SGCZ: variants seen among roughly 807,000 people sequenced by gnomAD.
SGCZ encodes the protein sarcoglycan zeta, also known as zeta-sarcoglycan.
In SGCZ, 40 loss-of-function variants were observed where a neutral mutation model predicts 41.3. The observed-to-expected ratio is 0.97, with a 90% CI of 0.75 to 1.26. The LOEUF (loss-of-function observed/expected upper bound fraction) is 1.26. Among genes scored for constraint, SGCZ ranks in the 50% most tolerant of loss-of-function variants. SGCZ has a pLI of 0.00. For synonymous variants in SGCZ, 206 were observed against 137.5 expected (o/e 1.50, Z -3.49); for missense variants, 552 against 369.8 (o/e 1.49, Z -4.04).
intron 1 of SGCZ, among the ~76,000 whole-genome samples, chr8:14,608,426 T>A (rs1249564823): frequency 6.6e-6 from 1 of 151,310 alleles, no homozygotes; most frequent in African/African-American, 2.4e-5. Flanking sequence ...CAGGATATTT[T>A]ACTCATGGCA....
intron 1 of SGCZ, among the ~76,000 whole-genome samples, chr8:14,650,575 T>C (rs2117454085): frequency 6.6e-6 from 1 of 152,100 alleles, no homozygotes; most frequent in Non-Finnish European, 1.5e-5. Flanking sequence ...CCTCATCATT[T>C]AGCTCCCACT....
At chr8:14,589,387 T>G (rs1205629247) in intron 1 of SGCZ, among the ~76,000 whole-genome samples, 1 of 151,696 alleles carries the variant, frequency 6.6e-6, no homozygotes, top group Admixed American at 6.6e-5. Context: ...TATAACCTAC[T>G]GAGTTAGAAC....
chr8:14,981,050 A>C (rs1801647334), intron 1 of SGCZ, among the ~76,000 whole-genome samples: 2 of 152,314 alleles, frequency 1.3e-5, no homozygotes, highest in African/African-American at 4.8e-5. Flanking sequence ...ATCTTAATTA[A>C]ATATGGCTTG....
intron 1 of SGCZ, among the ~76,000 whole-genome samples, chr8:14,950,739 A>G (rs1349224948): frequency 2.0e-5 from 3 of 152,082 alleles, no homozygotes; most frequent in African/African-American, 7.2e-5. Flanking sequence ...ATAAAGCAAT[A>G]CATAAGAGTT....
chr8:14,658,599 A>G (rs1196523546), intron 1 of SGCZ, among the ~76,000 whole-genome samples: 1 of 152,118 alleles, frequency 6.6e-6, no homozygotes, highest in African/African-American at 2.4e-5. Flanking sequence ...AGATTATACC[A>G]GATCTCTTGA....
At chr8:14,772,121 C>A (rs768794431) in intron 1 of SGCZ, among the ~76,000 whole-genome samples, 2 of 152,136 alleles carry the variant, frequency 1.3e-5, no homozygotes, top group Non-Finnish European at 2.9e-5. Flanking sequence ...AAACATTCAA[C>A]ACTTTAAATA....
Position 14,776,291 on chromosome 8 carries a change from A to G in SGCZ, c.40-221365T>C, listed in dbSNP as rs546769045. 1.2e-4 allele frequency among the ~76,000 whole-genome samples: 19 copies of G among 152,124 alleles called. 2 individuals carry two copies. The highest frequency in any genetic ancestry group is 4.1e-4 in the African/African-American group (17 of 41,502). On this transcript the variant is annotated intron_variant, in intron 1 of 7. Coordinates refer to ENST00000382080, the MANE Select transcript of SGCZ (RefSeq NM_139167.4). ...TGAATCATGGGGGTGGTTTCCCCAT[A>G]CTGTTATTGTGGTAATGAGTAAGCC... is the stretch of plus-strand genomic sequence containing the variant.
chr8:14,942,982 A>G (rs1800326397), intron 1 of SGCZ, among the ~76,000 whole-genome samples: 1 of 152,190 alleles, frequency 6.6e-6, no homozygotes, highest in Admixed American at 6.5e-5. Context: ...TTGCTGAATC[A>G]TGCCAGTCTT....
intron 1 of SGCZ, among the ~76,000 whole-genome samples, chr8:14,660,745 G>A (rs902854329): frequency 1.3e-5 from 2 of 151,892 alleles, no homozygotes; most frequent in African/African-American, 4.8e-5. Context: ...GGTCTTACTG[G>A]GAAAGCTTGG....
At chr8:14,664,200 T>C (rs1343412150) in intron 1 of SGCZ, among the ~76,000 whole-genome samples, 2 of 152,156 alleles carry the variant, frequency 1.3e-5, no homozygotes, top group African/African-American at 4.8e-5. Context: ...GATTTGAACT[T>C]AGAATTAAAC....
At chr8:14,351,765 T>A (rs2117105816) in intron 2 of SGCZ, among the ~76,000 whole-genome samples, 1 of 152,214 alleles carries the variant, frequency 6.6e-6, no homozygotes, top group African/African-American at 2.4e-5. Context: ...TTCTGCTGAC[T>A]GATTTGTTCA....
At chr8:15,174,521 A>G (rs1394316431) in intron 1 of SGCZ, among the ~76,000 whole-genome samples, 1 of 152,212 alleles carries the variant, frequency 6.6e-6, no homozygotes, top group Admixed American at 6.5e-5. Flanking sequence ...ACTTTATGTA[A>G]TATAAATATA....
intron 6 of SGCZ, 74 bp from the exon 7 acceptor site, chr8:14,102,573 T>C (rs1345341160): frequency 3.3e-6 from 4 of 1,228,828 alleles, no homozygotes; most frequent in Admixed American, 3.9e-5. Flanking sequence ...AAGAAAATTT[T>C]TGATAAACTA....
intron 2 of SGCZ, among the ~76,000 whole-genome samples, chr8:14,461,784 A>T (rs571584176): frequency 6.6e-6 from 1 of 152,212 alleles, no homozygotes; most frequent in South Asian, 2.1e-4. Flanking sequence ...TTATGATTTC[A>T]CTTCTTATAA....
At chr8:14,552,961 C>A (rs961102164) in intron 2 of SGCZ, among the ~76,000 whole-genome samples, 3 of 152,048 alleles carry the variant, frequency 2.0e-5, no homozygotes, top group African/African-American at 7.2e-5. Context: ...TAGAGAAAAT[C>A]ATATTACTGA....
intron 1 of SGCZ, among the ~76,000 whole-genome samples, chr8:14,633,959 A>C (rs563874682): frequency 6.6e-6 from 1 of 151,912 alleles, no homozygotes; most frequent in African/African-American, 2.4e-5. Flanking sequence ...GAATACTAAC[A>C]GTCCTTCTGC....
chr8:15,206,973 T>A (rs1002090324), intron 1 of SGCZ, among the ~76,000 whole-genome samples: 3 of 152,088 alleles, frequency 2.0e-5, no homozygotes, highest in Admixed American at 2.0e-4. Context: ...GTAAAATAGC[T>A]TGCAGAAAAA....
chr8:14,973,146 C>T (rs750218259), intron 1 of SGCZ, among the ~76,000 whole-genome samples: 6 of 152,204 alleles, frequency 3.9e-5, no homozygotes, highest in Non-Finnish European at 8.8e-5. Flanking sequence ...CATTTATTCT[C>T]TGACCCTTCA....
At chr8:14,760,246 G>T (rs367803559) in intron 1 of SGCZ, among the ~76,000 whole-genome samples, 1 of 152,104 alleles carries the variant, frequency 6.6e-6, no homozygotes, top group Non-Finnish European at 1.5e-5. Context: ...TAATCCCTTC[G>T]TAGCCTTTAA....
Sources: gnomAD v4.1 joint callset for allele counts (sites outside exome capture counted in the v4.1 genomes callset) on GRCh38, gnomAD v4.1.1 for gene constraint, MANE v1.5 for transcripts, NCBI Gene and HGNC (gene_info 2026-07-23, HGNC 2026-07-21) for gene names.